The following TRAPPC12 variants were observed in gnomAD, a reference collection of about 807,000 sequenced individuals.
The protein encoded by TRAPPC12 is TPR repeat protein 15.
TRAPPC12 carries 61 observed loss-of-function variants against 69.2 expected under a neutral mutation model. The observed-to-expected ratio is 0.88, with a 90% CI of 0.72 to 1.09. The LOEUF (loss-of-function observed/expected upper bound fraction) is 1.09. TRAPPC12 is among the 50% of genes least tolerant of loss of function. The pLI is 0.00. For missense variants in TRAPPC12, 1,101 were observed against 1,016.4 expected (o/e 1.08, Z -1.13); for synonymous variants, 469 against 438.9 (o/e 1.07, Z -0.86).
At chr2:3,473,619 A>G (rs1421993269) in intron 9 of TRAPPC12, among the ~76,000 whole-genome samples, 1 of 152,204 alleles carries the variant, frequency 6.6e-6, no homozygotes, top group Non-Finnish European at 1.5e-5. Flanking sequence ...AGCTGGGAAC[A>G]GGAATGCACC....
intron 7 of TRAPPC12, chr2:3,458,193 T>TG: frequency 1.0e-6 from 1 of 998,456 alleles, no homozygotes; most frequent in Non-Finnish European, 1.2e-6. Context: ...CTTGGGGGAC[T>TG]GGGTGGGTTG....
Position 3,430,100 on chromosome 2 carries a change from A to T in TRAPPC12, c.1417+5437A>T, listed in dbSNP as rs73131538. ...AGCTTTGTAAATGTACATCATGAGC[A>T]TATCTGTCTTCATTTGCTTTTTTTT... On this transcript the variant is annotated intron_variant, in intron 5 of 11. Coordinates refer to ENST00000324266, the MANE Select transcript of TRAPPC12 (RefSeq NM_016030.6). Among the ~76,000 whole-genome samples the T allele has an allele frequency of 8.5e-5, 13 of 152,182 alleles. No homozygotes were observed. In the South Asian group the frequency reaches 1.3e-3, roughly 15 times the overall value.
intron 1 of TRAPPC12, among the ~76,000 whole-genome samples, chr2:3,385,668 C>A (rs1241127440): frequency 1.3e-5 from 2 of 152,170 alleles, no homozygotes; most frequent in African/African-American, 4.8e-5. Flanking sequence ...GCTTTAGAAC[C>A]TAGAATTTTG....
intron 1 of TRAPPC12, among the ~76,000 whole-genome samples, chr2:3,382,130 CTTTTTTTTTT>C (rs70938942): frequency 2.1e-5 from 2 of 93,592 alleles, no homozygotes; most frequent in Non-Finnish European, 2.1e-5. Flanking sequence ...TTTATTTCCA[CTTTTTTTTTT>C]TTTTTTTTTT....
Position 3,466,160 on chromosome 2 carries a change from A to C in TRAPPC12, c.1776+465A>C, listed in dbSNP as rs370238808. The C allele has an allele frequency of 1.4e-5, 6 of 426,742 alleles. No homozygotes were observed. The East Asian group carries it at 2.2e-4, about 15-fold the overall frequency. The allele number at this position is 426,742 out of a possible 1,614,324, so 26.4% of individuals were successfully genotyped here. ...ACCCCCTTTGCTAAGAATGTCCTTG[A>C]AGCTGGAATGCATTTTCCTGGAATA... On this transcript the variant is annotated intron_variant, in intron 9 of 11. Transcript: ENST00000324266.
chr2:3,383,501 C>A (rs552420740), intron 1 of TRAPPC12, among the ~76,000 whole-genome samples: 1 of 149,506 alleles, frequency 6.7e-6, no homozygotes, highest in Non-Finnish European at 1.5e-5. Context: ...TGGGTTCAAG[C>A]GATTCTCCTG....
intron 9 of TRAPPC12, among the ~76,000 whole-genome samples, chr2:3,476,250 C>T (rs557730798): frequency 6.6e-6 from 1 of 152,316 alleles, no homozygotes; most frequent in East Asian, 1.9e-4. Flanking sequence ...GAGATGTTAT[C>T]CTGTTTCCAA....
At chr2:3,433,925 G>C (rs1156515554) in intron 5 of TRAPPC12, among the ~76,000 whole-genome samples, 1 of 151,998 alleles carries the variant, frequency 6.6e-6, no homozygotes, top group Non-Finnish European at 1.5e-5. Context: ...CTGCAGGAGA[G>C]AGACGGGCCT....
At chr2:3,460,444 A>G in intron 8 of TRAPPC12, 108 bp downstream of exon 8, 1 of 696,454 alleles carries the variant, frequency 1.4e-6, no homozygotes, top group South Asian at 1.7e-5. Flanking sequence ...CCGGCCGTGC[A>G]GAGAAGCCAG....
At chr2:3,422,148 A>C (rs920970994) in intron 4 of TRAPPC12, among the ~76,000 whole-genome samples, 154 bp downstream of exon 4, 2 of 152,234 alleles carry the variant, frequency 1.3e-5, no homozygotes, top group African/African-American at 4.8e-5. Flanking sequence ...ATACTGGGGC[A>C]CTGGAATTCT....
At chr2:3,464,192 C>T (rs369138393) in intron 8 of TRAPPC12, among the ~76,000 whole-genome samples, 5 of 152,082 alleles carry the variant, frequency 3.3e-5, no homozygotes, top group South Asian at 2.1e-4. Flanking sequence ...TGCTCACACA[C>T]GCTTACACAC....
chr2:3,456,960 A>G (rs1665187392), intron 6 of TRAPPC12: 1 of 387,254 alleles, frequency 2.6e-6, no homozygotes, highest in Non-Finnish European at 5.0e-6. Context: ...CTTCAAGAAC[A>G]TCATAAACAC....
chr2:3,425,918 G>T lies in TRAPPC12; in HGVS notation c.1417+1255G>T, dbSNP rs142724823. ...AGGCTAGAAGTAAAAACAAATCTTTGAACTTCTTTGTGTGTTGTTTTTTTG... is the reference window on the plus strand; with the variant it reads ...AGGCTAGAAGTAAAAACAAATCTTTTAACTTCTTTGTGTGTTGTTTTTTTG... On this transcript the variant is annotated intron_variant, in intron 5 of 11. Coordinates refer to ENST00000324266, the MANE Select transcript of TRAPPC12 (RefSeq NM_016030.6). Among the ~76,000 whole-genome samples, 4 of 152,292 alleles carry T rather than the reference G, an allele frequency of 2.6e-5. No homozygotes were observed. In the East Asian group the frequency reaches 7.7e-4, roughly 29 times the overall value.
intron 6 of TRAPPC12, among the ~76,000 whole-genome samples, chr2:3,452,629 G>A (rs1664910525): frequency 1.3e-5 from 2 of 152,244 alleles, no homozygotes; most frequent in South Asian, 4.1e-4. Context: ...GCTCCGAGAG[G>A]ACTTCCCTTC....
intron 3 of TRAPPC12, among the ~76,000 whole-genome samples, chr2:3,415,634 T>G (rs1662334299): frequency 6.6e-6 from 1 of 151,828 alleles, no homozygotes; most frequent in Admixed American, 6.6e-5. Flanking sequence ...CAACTCCTGA[T>G]CCCAGGTGAT....
At chr2:3,440,931 C>T (rs1664167694) in intron 5 of TRAPPC12, among the ~76,000 whole-genome samples, 1 of 152,068 alleles carries the variant, frequency 6.6e-6, no homozygotes, top group Non-Finnish European at 1.5e-5. Context: ...GTTCTTTAGC[C>T]TGTTTGATGT....
At chr2:3,459,354 G>C (rs1178755274) in intron 7 of TRAPPC12, among the ~76,000 whole-genome samples, 1 of 152,222 alleles carries the variant, frequency 6.6e-6, no homozygotes, top group South Asian at 2.1e-4. Flanking sequence ...TGGCCTCTGT[G>C]GACCTCAGCC....
chr2:3,424,978 C>T lies in TRAPPC12; in HGVS notation c.1417+315C>T, dbSNP rs571312835. Among the ~76,000 whole-genome samples, 8 of 152,324 alleles carry T rather than the reference C, an allele frequency of 5.3e-5. No individual in the cohort carries two copies. The East Asian group carries it at 5.8e-4, about 11-fold the overall frequency. ...TGAGCTGCGCTCCACAGGGAAGAGCCGTCCCATATCGGGACCTGGCGCACA... is the reference window on the plus strand; with the variant it reads ...TGAGCTGCGCTCCACAGGGAAGAGCTGTCCCATATCGGGACCTGGCGCACA... On this transcript the variant is annotated intron_variant, in intron 5 of 11. Transcript: ENST00000324266.
At chr2:3,404,401 C>G (rs906107843) in intron 3 of TRAPPC12, among the ~76,000 whole-genome samples, 1 of 152,134 alleles carries the variant, frequency 6.6e-6, no homozygotes, top group Non-Finnish European at 1.5e-5. Flanking sequence ...ATATTCTTCT[C>G]GATCTTGATT....
Sources: gnomAD v4.1 joint callset for allele counts (sites outside exome capture counted in the v4.1 genomes callset) on GRCh38, gnomAD v4.1.1 for gene constraint, MANE v1.5 for transcripts, NCBI Gene and HGNC (gene_info 2026-07-23, HGNC 2026-07-21) for gene names.